Variants in CHRNA3 observed in about 807,000 individuals in gnomAD.
CHRNA3 encodes cholinergic receptor nicotinic alpha 3 subunit.
A neutral mutation model predicts 41.9 loss-of-function variants in CHRNA3; 34 were observed. The observed-to-expected ratio is 0.81, with a 90% CI of 0.62 to 1.08. CHRNA3 has a LOEUF of 1.08. CHRNA3 is among the 50% of genes least tolerant of loss of function. The pLI is 0.00. For synonymous variants in CHRNA3, 281 were observed against 265.2 expected, an observed-to-expected ratio of 1.06 and a Z score of -0.58; for missense variants, 542 against 638.3, an observed-to-expected ratio of 0.85 and a Z score of 1.63.
At chr15:78,593,155 T>C, downstream of CHRNA3, 1 of 1,613,930 alleles carries the variant, frequency 6.2e-7, no homozygotes, top group Non-Finnish European at 8.5e-7. Flanking sequence ...GACTTTTCTT[T>C]TCGTTTCAAT....
Position 78,596,693 on chromosome 15 carries a change from G to C in CHRNA3, c.1429C>G (p.Arg477Gly). The change falls in exon 6 of 6, where the codon CGT becomes GGT. Residue 477 changes from arginine to glycine, a missense_variant. Coordinates refer to ENST00000326828, the MANE Select transcript of CHRNA3 (RefSeq NM_000743.5). Reference sequence around the variant, plus strand: ...AGGGTGAAAACCCACAGAAAAATACGATCAATCACCATGGCAACATACTTC... The same window carrying C: ...AGGGTGAAAACCCACAGAAAAATACCATCAATCACCATGGCAACATACTTC... ...DWKYVAMVID[R>G]IFLWVFTLVC... 1.2e-6 allele frequency: 2 copies of C among 1,612,556 alleles called. No individual in the cohort carries two copies. The highest frequency in any genetic ancestry group is 1.7e-6 in the Non-Finnish European group (2 of 1,179,734).
chr15:78,606,661 C>A (rs56077333), intron 4 of CHRNA3, among the ~76,000 whole-genome samples: 42,635 of 149,150 alleles, frequency 0.29, 6,497 homozygotes, highest in Middle Eastern at 0.42. Flanking sequence ...TTTGGGAGGC[C>A]GAGGTGAGTG....
At chr15:78,615,502 G>T (rs1035170029) in intron 4 of CHRNA3, among the ~76,000 whole-genome samples, 23 of 150,758 alleles carry the variant, frequency 1.5e-4, no homozygotes, top group African/African-American at 5.4e-4. Context: ...GTCCTCATCT[G>T]TGAAATGTCA....
At chr15:78,606,153 T>C (rs2053283058) in intron 4 of CHRNA3, among the ~76,000 whole-genome samples, 1 of 151,802 alleles carries the variant, frequency 6.6e-6, no homozygotes, top group South Asian at 2.1e-4. Flanking sequence ...AAACCCCGTC[T>C]CTACCAAAAA....
downstream of CHRNA3, chr15:78,593,128 G>C: frequency 6.2e-7 from 1 of 1,613,190 alleles, no homozygotes; most frequent in African/African-American, 1.3e-5. Flanking sequence ...CCAGGTTCTT[G>C]ATCGGATGTT....
chr15:78,601,422 T>C lies in CHRNA3; in HGVS notation c.1220A>G (p.His407Arg), dbSNP rs777950786. Residue 407 changes from histidine (H) to arginine (R), a missense_variant, in exon 5 of 6, where the codon CAC (histidine) becomes CGC (arginine). By Grantham distance (29) the His-to-Arg change is conservative (BLOSUM62 0). Coordinates refer to ENST00000326828, the MANE Select transcript of CHRNA3 (RefSeq NM_000743.5). ...GAAATTGGAGATTTTTATCCTGCGG[T>C]GGTGGCAGTAACCACACATCCCGTC... ...CQDGMCGYCH[H>R]RRIKISNFSA... The C allele has an allele frequency of 3.1e-6, 5 of 1,614,158 alleles. No homozygotes were observed. The highest frequency in any genetic ancestry group is 1.7e-5 in the Admixed American group (1 of 60,020).
Position 78,595,566 on chromosome 15 carries a change from T to G in CHRNA3, c.*1038A>C, listed in dbSNP as rs2053092068. The G allele has an allele frequency of 5.3e-6, 1 of 190,456 alleles. No individual in the cohort carries two copies. Among genetic ancestry groups the G allele is most frequent in the African/African-American group, 2.4e-5 (1 of 42,104 alleles). The allele number at this position is 190,456 out of a possible 1,614,324, so 11.8% of individuals were successfully genotyped here. A position where few individuals can be genotyped will look rare whatever the true frequency, so the allele number is the denominator to read the frequency against. On this transcript the variant is annotated 3_prime_UTR_variant, in exon 6 of 6. Transcript: ENST00000326828. ...GGTATGTCATTGGCATCTAGTGAGTTGAGGCTAGGGTACTGCTAAAGATCC... is the reference window on the plus strand; with the variant it reads ...GGTATGTCATTGGCATCTAGTGAGTGGAGGCTAGGGTACTGCTAAAGATCC...
rs561414697 is a variant in CHRNA3, at chr15:78,606,692, G to A, written c.378-4428C>T. ...GAGTGGATGACGAGGTCAGGAGATC[G>A]AGACCATCCTGGCTAACACAGTGAA... On this transcript the variant is annotated intron_variant, in intron 4 of 5. Transcript: ENST00000326828. 9.9e-5 allele frequency among the ~76,000 whole-genome samples: 15 copies of A among 151,292 alleles called. No homozygotes were observed. The East Asian group carries it at 2.6e-3, about 26-fold the overall frequency.
chr15:78,598,487 C>T (rs73465003), intron 5 of CHRNA3, among the ~76,000 whole-genome samples: 9,870 of 151,818 alleles, frequency 0.065, 949 homozygotes, highest in East Asian at 0.31. Context: ...CTTGACCTCC[C>T]GGGCTCAAGT....
chr15:78,602,678 A>T (rs993740422), intron 4 of CHRNA3, among the ~76,000 whole-genome samples: 1 of 152,118 alleles, frequency 6.6e-6, no homozygotes, highest in Non-Finnish European at 1.5e-5. Context: ...CCCTCTCCTC[A>T]TTCAGTCTGT....
rs2053105397 is a variant in CHRNA3 at position 78,596,111 on chromosome 15, CA to C, written c.*492del. On this transcript the variant is annotated 3_prime_UTR_variant, in exon 6 of 6. Transcript: ENST00000326828. ...TAGTTGAAGCTCTCTGAAATGGAGG[CA>C]TAGCCCTTTAGACCCAGTAAAGAAC... 1.0e-6 allele frequency: 1 copy of C among 985,310 alleles called. No individual in the cohort carries two copies. Among genetic ancestry groups the C allele is most frequent in the African/African-American group, 1.7e-5 (1 of 57,234 alleles). The allele number at this position is 985,310 out of a possible 1,614,324, so 61.0% of individuals were successfully genotyped here.
rs1410153010 is a variant in CHRNA3, at chr15:78,601,513, G to A, written c.1129C>T (p.Leu377Phe). 6.2e-7 allele frequency: 1 copy of A among 1,614,168 alleles called. No homozygotes were observed. The highest frequency in any genetic ancestry group is 8.5e-7 in the Non-Finnish European group (1 of 1,180,034). Residue 377 changes from leucine (L) to phenylalanine (F), a missense_variant, in exon 5 of 6, where the codon CTC (leucine) becomes TTC (phenylalanine). Coordinates refer to ENST00000326828, the MANE Select transcript of CHRNA3 (RefSeq NM_000743.5). Reference protein sequence around the residue: ...QKPRPLYGAELSNLNCFSRAE... With the variant: ...QKPRPLYGAEFSNLNCFSRAE... ...CGGCTGAAGCAATTCAGATTTGAGA[G>A]CTCGGCACCGTAGAGGGGCCTCGGC...
chr15:78,601,319 G>A lies in CHRNA3; in HGVS notation c.1323C>T (p.Ile441=). The A allele has an allele frequency of 1.9e-6, 3 of 1,614,188 alleles. No individual in the cohort carries two copies. The highest frequency in any genetic ancestry group is 1.1e-5 in the South Asian group (1 of 91,078). The change falls in exon 5 of 6, where the codon ATC becomes ATT. Residue 441 remains isoleucine, a synonymous_variant. Transcript: ENST00000326828. The part of the protein sequence containing the change: ...VLSLSALSPE[I]KEAIQSVKYI... ...ACTTGACACTTTGGATGGCTTCTTT[G>A]ATTTCTGGTGACAAAGCAGAGAGGG...
At chr15:78,605,946 T>C (rs966827293) in intron 4 of CHRNA3, among the ~76,000 whole-genome samples, 6 of 151,918 alleles carry the variant, frequency 3.9e-5, no homozygotes, top group African/African-American at 1.5e-4. Context: ...CTTCTCCTAT[T>C]CCCCCCAAGA....
chr15:78,618,589 C>G (rs764934946), intron 3 of CHRNA3, 28 bp downstream of exon 3: 3 of 1,613,376 alleles, frequency 1.9e-6, no homozygotes, highest in Admixed American at 1.7e-5. Flanking sequence ...CACCAGGGGG[C>G]AGCAGTGCCT....
At chr15:78,600,212 C>G (rs1170385240) in intron 5 of CHRNA3, among the ~76,000 whole-genome samples, 1 of 152,086 alleles carries the variant, frequency 6.6e-6, no homozygotes, top group Non-Finnish European at 1.5e-5. Context: ...GTAGCTGGAA[C>G]TACAGGCACG....
chr15:78,617,069 A>T lies in CHRNA3; in HGVS notation c.332T>A (p.Val111Asp). The T allele has an allele frequency of 6.2e-7, 1 of 1,613,952 alleles. No individual in the cohort carries two copies. The highest frequency in any genetic ancestry group is 8.5e-7 in the Non-Finnish European group (1 of 1,179,962). Reference protein sequence around the residue: ...SDYGGAEFMRVPAQKIWKPDI... With the variant: ...SDYGGAEFMRDPAQKIWKPDI... Reference sequence around the variant, plus strand: ...TGGCTTCCAGATCTTCTGTGCAGGGACACGCATGAACTCTGCCCCACCATA... The same window carrying T: ...TGGCTTCCAGATCTTCTGTGCAGGGTCACGCATGAACTCTGCCCCACCATA... The change falls in exon 4 of 6, where the codon GTC (valine) becomes GAC (aspartate). Residue 111 changes from valine to aspartate, a missense_variant. Physicochemically the swap from Val to Asp is radical, Grantham distance 152. Coordinates refer to ENST00000326828, the MANE Select transcript of CHRNA3 (RefSeq NM_000743.5).
Position 78,602,207 on chromosome 15 carries a change from C to T in CHRNA3, c.435G>A (p.Gly145=), listed in dbSNP as rs760548327. 1 of 1,614,098 alleles carries T rather than the reference C, an allele frequency of 6.2e-7. No individual in the cohort carries two copies. The highest frequency in any genetic ancestry group is 1.1e-5 in the South Asian group (1 of 91,070). The part of the protein sequence containing the change: ...DKTKALLKYT[G]EVTWIPPAIF... ...TGGCCGGAGGTATCCAAGTCACCTC[C>T]CCAGTGTACTTGAGTAAGGCTTTGG... Residue 145 remains glycine, a synonymous_variant, in exon 5 of 6, where the codon GGG becomes GGA. Transcript: ENST00000326828.
rs202126010 is a variant in CHRNA3 at position 78,612,057 on chromosome 15, A to G, written c.377+4967T>C. On this transcript the variant is annotated intron_variant, in intron 4 of 5. Coordinates refer to ENST00000326828, the MANE Select transcript of CHRNA3 (RefSeq NM_000743.5). ...GAGAACTACAAACCACTGCTCAATG[A>G]AATAAAAGAAGATACAAACAAATGG... Among the ~76,000 whole-genome samples the G allele has an allele frequency of 9.4e-3, 1,425 of 152,184 alleles. 145 individuals carry two copies. In the East Asian group the frequency reaches 0.25, roughly 26 times the overall value.
Sources: allele counts gnomAD v4.1 joint callset (sites outside exome capture counted in the v4.1 genomes callset), GRCh38; gene constraint gnomAD v4.1.1; transcripts MANE v1.5; gene names NCBI Gene and HGNC (gene_info 2026-07-23, HGNC 2026-07-21).